ROR1: variants seen among roughly 807,000 people sequenced by gnomAD.
ROR1 encodes the protein inactive tyrosine-protein kinase transmembrane receptor ROR1.
Under a neutral mutation model 78.8 loss-of-function variants are expected in ROR1, and 19 were observed. The observed-to-expected ratio is 0.24, with a 90% CI of 0.17 to 0.35. ROR1 has a LOEUF of 0.35. Among genes scored for constraint, ROR1 ranks in the 10% least tolerant of loss-of-function variants. The pLI is 1.00. For synonymous variants in ROR1, 386 were observed against 433.6 expected, an observed-to-expected ratio of 0.89 and a Z score of 1.36; for missense variants, 917 against 1,177.8, an observed-to-expected ratio of 0.78 and a Z score of 3.24.
intron 1 of ROR1, among the ~76,000 whole-genome samples, chr1:63,991,428 G>C (rs1557598493): frequency 6.6e-6 from 1 of 152,192 alleles, no homozygotes; most frequent in African/African-American, 2.4e-5. Flanking sequence ...CTGATATGCA[G>C]ATCTTATTTT....
At chr1:63,861,837 T>C (rs1340364778) in intron 1 of ROR1, among the ~76,000 whole-genome samples, 4 of 152,186 alleles carry the variant, frequency 2.6e-5, no homozygotes, top group Non-Finnish European at 4.4e-5. Flanking sequence ...ATTGAGCCAG[T>C]AGGTCAGTCT....
chr1:63,795,980 C>G (rs1170010474), intron 1 of ROR1, among the ~76,000 whole-genome samples: 1 of 152,044 alleles, frequency 6.6e-6, no homozygotes, highest in East Asian at 1.9e-4. Flanking sequence ...TCATTAAAAC[C>G]CCCATCAGAC....
At chr1:63,898,138 T>A (rs923458422) in intron 1 of ROR1, among the ~76,000 whole-genome samples, 9 of 152,226 alleles carry the variant, frequency 5.9e-5, no homozygotes, top group African/African-American at 2.2e-4. Flanking sequence ...AGTGCACAAA[T>A]CTTTGAACAG....
At chr1:64,062,846 T>A (rs1376290434) in intron 4 of ROR1, among the ~76,000 whole-genome samples, 3 of 152,198 alleles carry the variant, frequency 2.0e-5, no homozygotes, top group Admixed American at 6.5e-5. Flanking sequence ...TGGCTAAGCA[T>A]AATGATCAGT....
chr1:63,816,672 G>T (rs537381267), intron 1 of ROR1, among the ~76,000 whole-genome samples: 54 of 152,304 alleles, frequency 3.5e-4, no homozygotes, highest in African/African-American at 1.2e-3. Context: ...CAGTATATGG[G>T]CTAATGGTAC....
At chr1:64,004,584 C>T (rs1013814075) in intron 1 of ROR1, among the ~76,000 whole-genome samples, 4 of 152,204 alleles carry the variant, frequency 2.6e-5, no homozygotes, top group Non-Finnish European at 5.9e-5. Context: ...TGAGTATGCG[C>T]ATGCCTGTGT....
intron 1 of ROR1, among the ~76,000 whole-genome samples, chr1:63,940,498 C>CAGATAGATAGATAGAT (rs71584420): frequency 0.011 from 841 of 75,198 alleles, 4 homozygotes; most frequent in Middle Eastern, 0.036. Context: ...GATAGACAGA[C>CAGATAGATAGATAGAT]AGATAGATAG....
intron 1 of ROR1, among the ~76,000 whole-genome samples, chr1:63,994,117 T>G (rs1646317925): frequency 6.6e-6 from 1 of 152,208 alleles, no homozygotes; most frequent in African/African-American, 2.4e-5. Flanking sequence ...TTATCATGTT[T>G]GATATGTTTA....
intron 1 of ROR1, among the ~76,000 whole-genome samples, chr1:63,889,410 A>G (rs1557545861): frequency 1.3e-5 from 2 of 152,156 alleles, no homozygotes; most frequent in South Asian, 2.1e-4. Context: ...AGGTTCCATA[A>G]GTTCCCAAAG....
At chr1:63,985,465 C>G (rs2167436) in intron 1 of ROR1, among the ~76,000 whole-genome samples, 1 of 152,234 alleles carries the variant, frequency 6.6e-6, no homozygotes, top group South Asian at 2.1e-4. Context: ...TCAAAAAATT[C>G]TAAATGCTCC....
intron 7 of ROR1, among the ~76,000 whole-genome samples, chr1:64,145,075 TTATA>T (rs1182799836): frequency 6.6e-6 from 1 of 152,228 alleles, no homozygotes; most frequent in Non-Finnish European, 1.5e-5. Flanking sequence ...TTATCTATTA[TTATA>T]TAGTCAATAT....
intron 1 of ROR1, among the ~76,000 whole-genome samples, chr1:63,833,990 C>CTTTTTTTTT (rs71056008): frequency 4.1e-4 from 54 of 131,988 alleles, no homozygotes; most frequent in East Asian, 1.8e-3. Context: ...TCTTCTTCTT[C>CTTTTTTTTT]TTTTTTTTTT....
intron 1 of ROR1, among the ~76,000 whole-genome samples, chr1:63,796,115 T>G (rs958832465): frequency 6.6e-6 from 1 of 152,188 alleles, no homozygotes; most frequent in Non-Finnish European, 1.5e-5. Flanking sequence ...TGTAGTATTG[T>G]CTTATATGGG....
intron 1 of ROR1, among the ~76,000 whole-genome samples, chr1:63,798,631 CCT>C (rs1454532551): frequency 6.6e-6 from 1 of 152,168 alleles, no homozygotes. Context: ...TATCCCCAGC[CCT>C]GATCACACAT....
chr1:63,816,547 CTCTTTTTCTTCCCAG>C (rs1376385885), intron 1 of ROR1, among the ~76,000 whole-genome samples: 1 of 152,122 alleles, frequency 6.6e-6, no homozygotes, highest in Non-Finnish European at 1.5e-5. Context: ...TCCATTAAAC[CTCTTTTTCTTCCCAG>C]TCTCGGGTGT....
chr1:63,853,906 TA>T (rs1284562300), intron 1 of ROR1, among the ~76,000 whole-genome samples: 1 of 152,182 alleles, frequency 6.6e-6, no homozygotes, highest in Non-Finnish European at 1.5e-5. Flanking sequence ...AAGAGATGGA[TA>T]AAAACCATAC....
At chr1:64,088,113 G>A (rs571335138) in intron 4 of ROR1, among the ~76,000 whole-genome samples, 2 of 152,242 alleles carry the variant, frequency 1.3e-5, no homozygotes, top group Admixed American at 6.5e-5. Flanking sequence ...TCTTTTTCCT[G>A]TGGGCACATT....
intron 2 of ROR1, among the ~76,000 whole-genome samples, chr1:64,009,737 G>A (rs11208340): frequency 0.03 from 4,538 of 152,102 alleles, 254 homozygotes; most frequent in African/African-American, 0.11. Flanking sequence ...CTGTTTGCTC[G>A]GTGACCTTTC....
At chr1:63,876,059 A>G (rs1162509668) in intron 1 of ROR1, among the ~76,000 whole-genome samples, 1 of 152,188 alleles carries the variant, frequency 6.6e-6, no homozygotes, top group African/African-American at 2.4e-5. Flanking sequence ...AAGGTGGGTT[A>G]AGCTGCGAAA....
Sources: gnomAD v4.1 joint callset for allele counts (sites outside exome capture counted in the v4.1 genomes callset) on GRCh38, gnomAD v4.1.1 for gene constraint, MANE v1.5 for transcripts, NCBI Gene and HGNC (gene_info 2026-07-23, HGNC 2026-07-21) for gene names.